ZNF624: variants seen among roughly 807,000 people sequenced by gnomAD.
ZNF624 encodes the protein zinc finger protein 624.
In ZNF624, 43 loss-of-function variants were observed where a neutral mutation model predicts 74.7. The ratio of observed to expected loss-of-function variants is 0.58; its 90% CI spans 0.45 to 0.74. The LOEUF (loss-of-function observed/expected upper bound fraction) is 0.74, where lower values mean the gene tolerates loss of function less well. ZNF624 is among the 30% of genes least tolerant of loss of function. The probability of loss-of-function intolerance (pLI) is 0.00; values close to 1 mark genes in which losing one functional copy is unlikely to be tolerated. For missense variants in ZNF624, 820 were observed against 1,030.0 expected (o/e 0.80, Z 2.79); for synonymous variants, 331 against 341.3 (o/e 0.97, Z 0.33).
rs761439207 is a variant in ZNF624, at chr17:16,622,337, C to A, written c.2549G>T (p.Ser850Ile). 1.2e-6 allele frequency: 2 copies of A among 1,608,768 alleles called. No homozygotes were observed. The highest frequency in any genetic ancestry group is 1.7e-6 in the Non-Finnish European group (2 of 1,177,950). ...ATGTATTCTTTGATGTACAGTAAGG[C>A]TCGAACTACTCCTGAAGGCTTTTCC... is the stretch of plus-strand genomic sequence containing the variant. ...ECGKAFRSSSSLTVHQRIHQR... is the reference protein window; with the variant it reads ...ECGKAFRSSSILTVHQRIHQR... The change falls in exon 6 of 6, where the codon AGC (serine) becomes ATC (isoleucine). Residue 850 changes from serine (S) to isoleucine (I), a missense_variant. By Grantham distance (142) the Ser-to-Ile change is moderately radical. Transcript: ENST00000311331.
At chr17:16,625,104 A>G (rs1948255679) in intron 5 of ZNF624, among the ~76,000 whole-genome samples, 1 of 151,642 alleles carries the variant, frequency 6.6e-6, no homozygotes, top group Admixed American at 6.6e-5. Flanking sequence ...AACTTTTGAC[A>G]ATCTCAAAAA....
intron 3 of ZNF624, among the ~76,000 whole-genome samples, chr17:16,639,320 T>C (rs923954552): frequency 1.3e-5 from 2 of 152,214 alleles, no homozygotes; most frequent in African/African-American, 4.8e-5. Flanking sequence ...TATCCCTTTG[T>C]AGTTTTGAAC....
chr17:16,628,620 T>C (rs1909129829), intron 5 of ZNF624, among the ~76,000 whole-genome samples: 1 of 151,652 alleles, frequency 6.6e-6, no homozygotes, highest in Non-Finnish European at 1.5e-5. Context: ...GATGAAAAAC[T>C]TGCAAACGTT....
chr17:16,627,600 CTG>C (rs2142582340), intron 5 of ZNF624, among the ~76,000 whole-genome samples: 1 of 152,264 alleles, frequency 6.6e-6, no homozygotes, highest in East Asian at 1.9e-4. Context: ...TAAGAAATGA[CTG>C]AGAGGCTGAA....
rs184703917 is a variant in ZNF624, at chr17:16,645,420, G to A, written c.153+1909C>T. Among the ~76,000 whole-genome samples the A allele has an allele frequency of 2.6e-5, 4 of 152,232 alleles. No homozygotes were observed. In the East Asian group the frequency reaches 5.8e-4, roughly 22 times the overall value. ...TGGTAAATTAAGTTGTTTACCAAAA[G>A]TTACAACATATATACTGGCACTATG... On this transcript the variant is annotated intron_variant, in intron 3 of 5. Transcript: ENST00000311331.
intron 5 of ZNF624, among the ~76,000 whole-genome samples, chr17:16,626,607 C>T (rs1028752597): frequency 6.6e-6 from 1 of 152,006 alleles, no homozygotes; most frequent in Non-Finnish European, 1.5e-5. Context: ...TAAAAATGAG[C>T]TGGGCATAGT....
At chr17:16,637,380 T>C (rs935121072) in intron 3 of ZNF624, among the ~76,000 whole-genome samples, 2 of 152,184 alleles carry the variant, frequency 1.3e-5, no homozygotes, top group Non-Finnish European at 2.9e-5. Context: ...AAAGTTCATA[T>C]GGAGCCAAAA....
chr17:16,643,490 A>C (rs1328663363), intron 3 of ZNF624, among the ~76,000 whole-genome samples: 2 of 152,228 alleles, frequency 1.3e-5, no homozygotes, highest in African/African-American at 4.8e-5. Context: ...TATACAGATG[A>C]AAAGATTAGT....
At position 16,649,668 on chromosome 17, in the gene ZNF624, A is replaced by G. The variant is rs150984271; in HGVS notation, c.77T>C (p.Val26Ala). 239 of 1,614,120 alleles carry G rather than the reference A, an allele frequency of 1.5e-4. No homozygotes were observed. Among genetic ancestry groups the G allele is most frequent in the East Asian group, 5.8e-4 (26 of 44,884 alleles). ...GGAATCCCAACTTACCAGGCGTCCA[A>G]CTGAGAAAAACACAGCAGCCATAAT... ...GEIMAAVFFS[V>A]GRLSPEVTQP... The change falls in exon 2 of 6, where the codon GTT (valine) becomes GCT (alanine). Residue 26 changes from valine (V) to alanine (A), a missense_variant. Val to Ala is a moderately conservative substitution (Grantham distance 64). Transcript: ENST00000311331.
At chr17:16,632,817 C>T (rs1347995844) in intron 5 of ZNF624, among the ~76,000 whole-genome samples, 1 of 152,216 alleles carries the variant, frequency 6.6e-6, no homozygotes, top group East Asian at 1.9e-4. Context: ...TTGGAACTCA[C>T]TTAGATCATC....
intron 3 of ZNF624, among the ~76,000 whole-genome samples, chr17:16,643,180 T>C (rs901596439): frequency 6.6e-6 from 1 of 152,158 alleles, no homozygotes. Flanking sequence ...CCTAGGTATA[T>C]ACCAAGAGAA....
At position 16,623,309 on chromosome 17, in the gene ZNF624, T is replaced by C. The variant is rs1167203858; in HGVS notation, c.1577A>G (p.Lys526Arg). The stretch of plus-strand genomic sequence containing the variant: ...CCCACATTCATTACATTTATAGGGT[T>C]TTTCTCCTGTGTGAATTCGCTGATG... Reference protein sequence around the residue: ...TEHQRIHTGEKPYKCNECGKA... With the variant: ...TEHQRIHTGERPYKCNECGKA... The change falls in exon 6 of 6, where the codon AAA becomes AGA. Residue 526 changes from lysine (K) to arginine (R), a missense_variant. Transcript: ENST00000311331. This position sits in a 1 kb window ranked among gnomAD's most constrained non-coding sequence, Gnocchi z 5.3. 6.2e-7 allele frequency: 1 copy of C among 1,613,880 alleles called. No individual in the cohort carries two copies. The highest frequency in any genetic ancestry group is 1.7e-5 in the Admixed American group (1 of 60,020).
At chr17:16,641,982 T>C (rs1402155694) in intron 3 of ZNF624, among the ~76,000 whole-genome samples, 3 of 152,108 alleles carry the variant, frequency 2.0e-5, no homozygotes, top group Non-Finnish European at 4.4e-5. Context: ...ACTATAAAAC[T>C]ACAAAACTGA....
intron 3 of ZNF624, among the ~76,000 whole-genome samples, chr17:16,638,012 A>C (rs1309950826): frequency 6.6e-6 from 1 of 152,160 alleles, no homozygotes; most frequent in Non-Finnish European, 1.5e-5. Context: ...AACTCAAACA[A>C]ATTTACAAGA....
chr17:16,617,639 G>A (rs566321779), downstream of ZNF624: 63 of 1,607,880 alleles, frequency 3.9e-5, no homozygotes, highest in South Asian at 6.1e-4. Flanking sequence ...GGCTTCCGTA[G>A]CTGTAGCTGT....
At chr17:16,615,384 A>C in the ZNF624 span, among the ~76,000 whole-genome samples, 1 of 152,190 alleles carries the variant, frequency 6.6e-6, no homozygotes, top group Non-Finnish European at 1.5e-5. Flanking sequence ...GGCATGAGCC[A>C]CCGTGCCCAG....
Position 16,623,004 on chromosome 17 carries a change from T to C in ZNF624, c.1882A>G (p.Lys628Glu). The C allele has an allele frequency of 6.2e-7, 1 of 1,613,770 alleles. No homozygotes were observed. The highest frequency in any genetic ancestry group is 8.5e-7 in the Non-Finnish European group (1 of 1,179,784). Residue 628 changes from lysine to glutamate, a missense_variant, in exon 6 of 6, where the codon AAG (lysine) becomes GAG (glutamate). Coordinates refer to ENST00000311331, the MANE Select transcript of ZNF624 (RefSeq NM_020787.4). The surrounding 1 kb of genome is among the most constrained non-coding windows in gnomAD (Gnocchi z 5.3). ...ERAFTKMVNL[K>E]EHQKIHTGVK... ...CCAGTATGAATTTTCTGATGCTCCT[T>C]GAGATTTACCATTTTGGTGAATGCC...
intron 3 of ZNF624, among the ~76,000 whole-genome samples, chr17:16,645,194 CT>C (rs1909558752): frequency 6.6e-6 from 1 of 151,858 alleles, no homozygotes; most frequent in Admixed American, 6.5e-5. Context: ...AATCCCAGCA[CT>C]TTGGGAGGCT....
intron 1 of ZNF624, among the ~76,000 whole-genome samples, chr17:16,653,371 C>G (rs1909773867): frequency 6.6e-6 from 1 of 152,386 alleles, no homozygotes; most frequent in East Asian, 1.9e-4. Context: ...CTACCCACTT[C>G]GGGTATGCCC....
Sources: allele counts gnomAD v4.1 joint callset (sites outside exome capture counted in the v4.1 genomes callset), GRCh38; gene constraint gnomAD v4.1.1; non-coding constraint Gnocchi (gnomAD v3.1); transcripts MANE v1.5; gene names NCBI Gene and HGNC (gene_info 2026-07-23, HGNC 2026-07-21).